The following CMTR2 variants were observed in gnomAD, a reference collection of about 807,000 sequenced individuals.
CMTR2 encodes cap-specific mRNA (nucleoside-2'-O-)-methyltransferase 2.
CMTR2 carries 40 observed loss-of-function variants against 49.8 expected under a neutral mutation model. The observed-to-expected ratio is 0.80, with a 90% confidence interval of 0.62 to 1.04. CMTR2 has a LOEUF of 1.04. Among genes scored for constraint, CMTR2 ranks in the 50% least tolerant of loss-of-function variants. CMTR2 has a pLI of 0.00. For missense variants in CMTR2, 907 were observed against 897.2 expected (o/e 1.01, Z -0.14); for synonymous variants, 326 against 315.8 (o/e 1.03, Z -0.34).
intron 2 of CMTR2, chr16:71,288,375 C>T (rs1304099583): frequency 6.6e-6 from 1 of 152,178 alleles, no homozygotes; most frequent in Non-Finnish European, 1.5e-5. Context: ...TCATGTACTT[C>T]CAACCTATAA....
Position 71,284,478 on chromosome 16 carries a change from A to G in CMTR2, c.1443T>C (p.Ile481=). The G allele has an allele frequency of 6.2e-7, 1 of 1,614,048 alleles. No individual in the cohort carries two copies. ...HGVYHPGQSS[I]LEGTASNLEC... is the part of the protein sequence containing the mutation. The stretch of plus-strand genomic sequence containing the variant: ...CAAGATTGGAAGCTGTTCCTTCTAA[A>G]ATAGAACTCTGCCCAGGATGATATA... Residue 481 remains isoleucine (I), a synonymous_variant, in exon 3 of 3, where the codon ATT becomes ATC. Coordinates refer to ENST00000434935, the MANE Select transcript of CMTR2 (RefSeq NM_018348.6).
chr16:71,289,216 T>C lies in CMTR2; in HGVS notation c.-160A>G, dbSNP rs1301632983. On this transcript the variant is annotated 5_prime_UTR_variant, in exon 1 of 3. Transcript: ENST00000434935. ...CGAGGAAGCCATTCTGCACTTCCGC[T>C]CTCGGGGCTGCTTCCCGGGATGGTC... 1 of 152,294 alleles carries C rather than the reference T, an allele frequency of 6.6e-6. No homozygotes were observed. Among genetic ancestry groups the C allele is most frequent in the Admixed American group, 6.5e-5 (1 of 15,292 alleles). 9.4% of individuals were successfully genotyped at this position (152,294 alleles called of 1,614,324 possible).
Position 71,285,588 on chromosome 16 carries a change from A to G in CMTR2, c.333T>C (p.Cys111=). ...HVRKSVNAEL[C]TQAWCKFHEI... ...CATGGAACTTACACCATGCTTGAGTACAAAGTTCAGCATTCACAGATTTTC... is the reference window on the plus strand; with the variant it reads ...CATGGAACTTACACCATGCTTGAGTGCAAAGTTCAGCATTCACAGATTTTC... The change falls in exon 3 of 3, where the codon TGT becomes TGC. Residue 111 remains cysteine, a synonymous_variant. Coordinates refer to ENST00000434935, the MANE Select transcript of CMTR2 (RefSeq NM_018348.6). 6.2e-7 allele frequency: 1 copy of G among 1,614,152 alleles called. No homozygotes were observed. Among genetic ancestry groups the G allele is most frequent in the East Asian group, 2.2e-5 (1 of 44,890 alleles).
chr16:71,285,798 A>T lies in CMTR2; in HGVS notation c.123T>A (p.Asn41Lys). Residue 41 changes from asparagine (N) to lysine (K), a missense_variant, in exon 3 of 3, where the codon AAT (asparagine) becomes AAA (lysine). Transcript: ENST00000434935. Reference sequence around the variant, plus strand: ...TGGGATCTGGTAACTGCCACTCATTATTAAGTGGCTTGCCATAAGAAAAGT... The same window carrying T: ...TGGGATCTGGTAACTGCCACTCATTTTTAAGTGGCTTGCCATAAGAAAAGT... Reference protein sequence around the residue: ...AKNFSYGKPLNNEWQLPDPSE... With the variant: ...AKNFSYGKPLKNEWQLPDPSE... The T allele has an allele frequency of 6.2e-7, 1 of 1,614,122 alleles. No homozygotes were observed.
rs1270280627 is a variant in CMTR2, at chr16:71,289,401, T to G, written c.-345A>C. The G allele has an allele frequency of 4.6e-5, 7 of 152,298 alleles. No individual in the cohort carries two copies. Among genetic ancestry groups the G allele is most frequent in the Non-Finnish European group, 7.3e-5 (5 of 68,042 alleles). The allele number at this position is 152,298 out of a possible 1,614,324, so 9.4% of individuals were successfully genotyped here. A position where few individuals can be genotyped will look rare whatever the true frequency, so the allele number is the denominator to read the frequency against. The stretch of plus-strand genomic sequence containing the variant: ...CCGGCAGACAGGGACCAGGAGGCAC[T>G]CAAGTCCCACTGCGCACGCGCCCTG... On this transcript the variant is annotated 5_prime_UTR_variant, in exon 1 of 3. Transcript: ENST00000434935.
chr16:71,284,242 C>A lies in CMTR2; in HGVS notation c.1679G>T (p.Cys560Phe), dbSNP rs764950988. The A allele has an allele frequency of 1.9e-6, 3 of 1,614,026 alleles. No individual in the cohort carries two copies. Residue 560 changes from cysteine to phenylalanine, a missense_variant, in exon 3 of 3, where the codon TGT (cysteine) becomes TTT (phenylalanine). Coordinates refer to ENST00000434935, the MANE Select transcript of CMTR2 (RefSeq NM_018348.6). The part of the protein sequence containing the change: ...FSEELIFSEL[C>F]SLTECLQDEQ... Reference sequence around the variant, plus strand: ...ATCCTGAAGGCACTCAGTAAGGCTACACAACTCGGAAAATATCAGTTCTTC... The same window carrying A: ...ATCCTGAAGGCACTCAGTAAGGCTAAACAACTCGGAAAATATCAGTTCTTC...
At position 71,283,820 on chromosome 16, in the gene CMTR2, A is replaced by G. The variant is rs769746395; in HGVS notation, c.2101T>C (p.Tyr701His). The change falls in exon 3 of 3, where the codon TAT becomes CAT. Residue 701 changes from tyrosine (Y) to histidine (H), a missense_variant. Coordinates refer to ENST00000434935, the MANE Select transcript of CMTR2 (RefSeq NM_018348.6). ...YQDLPNPVFR[Y>H]LQSVNELLST... is the part of the protein sequence containing the mutation. ...AACAATTCATTCACACTCTGCAAAT[A>G]TCGGAAAACTGGATTTGGAAGGTCC... 63 of 1,613,820 alleles carry G rather than the reference A, an allele frequency of 3.9e-5. No homozygotes were observed. The East Asian group carries it at 1.3e-3, about 34-fold the overall frequency.
Position 71,285,636 on chromosome 16 carries a change from C to A in CMTR2, c.285G>T (p.Ala95=). 1.2e-6 allele frequency: 2 copies of A among 1,613,772 alleles called. No homozygotes were observed. Among genetic ancestry groups the A allele is most frequent in the South Asian group, 1.1e-5 (1 of 91,046 alleles). The stretch of plus-strand genomic sequence containing the variant: ...TTCTAACATGAGAAATGATTTTCCC[C>A]GCTTTATTAGTGAAAGCAGTGTGCT... ...WHEHTAFTNK[A]GKIISHVRKS... is the part of the protein sequence containing the mutation. The change falls in exon 3 of 3, where the codon GCG becomes GCT. Residue 95 remains alanine (A), a synonymous_variant. Transcript: ENST00000434935.
chr16:71,289,663 AG>A (rs1259857977), upstream of CMTR2: 2 of 11,754 alleles, frequency 1.7e-4, no homozygotes, highest in East Asian at 4.9e-3. Flanking sequence ...GGGGAGGGGG[AG>A]GGAGGGAAGG....
upstream of CMTR2, chr16:71,289,667 A>AGGGGGGGGGGGGGGGGGGGGGG (rs1395441797): frequency 9.6e-5 from 2 of 20,910 alleles, no homozygotes; most frequent in African/African-American, 1.9e-4. Flanking sequence ...AGGGGGAGGG[A>AGGGGGGGGGGGGGGGGGGGGGG]GGGAAGGGAC....
chr16:71,282,669 T>C lies in CMTR2; in HGVS notation c.*939A>G, dbSNP rs559678113. 2.0e-5 allele frequency: 3 copies of C among 152,278 alleles called. No homozygotes were observed. The highest frequency in any genetic ancestry group is 2.1e-4 in the South Asian group (1 of 4,822). The allele number at this position is 152,278 out of a possible 1,614,324, so 9.4% of individuals were successfully genotyped here. A position where few individuals can be genotyped will look rare whatever the true frequency, so the allele number is the denominator to read the frequency against. On this transcript the variant is annotated 3_prime_UTR_variant, in exon 3 of 3. Transcript: ENST00000434935. Reference sequence around the variant, plus strand: ...CTGAAAAAAAGAAATTAGAAAAGATTAAAAATTTTAAATTCTGAACCATCA... The same window carrying C: ...CTGAAAAAAAGAAATTAGAAAAGATCAAAAATTTTAAATTCTGAACCATCA...
rs571753655 is a variant in CMTR2, at chr16:71,282,209, C to G, written c.*1399G>C. On this transcript the variant is annotated 3_prime_UTR_variant, in exon 3 of 3. Transcript: ENST00000434935. ...ATCAGAGAAAATGAAAGAACATTAA[C>G]TATCATTCAAAACTCCCTTTAAAAA... 6.6e-6 allele frequency: 1 copy of G among 151,984 alleles called. No individual in the cohort carries two copies. Among genetic ancestry groups the G allele is most frequent in the Non-Finnish European group, 1.5e-5 (1 of 67,908 alleles). The allele number at this position is 151,984 out of a possible 1,614,324, so 9.4% of individuals were successfully genotyped here.
At chr16:71,289,616 G>A (rs1450406991), upstream of CMTR2, 1 of 150,524 alleles carries the variant, frequency 6.6e-6, no homozygotes, top group African/African-American at 2.4e-5. Context: ...GTCCCGAAGA[G>A]GGGTGAAAGG....
At chr16:71,289,623 A>C (rs938280019), upstream of CMTR2, 1 of 128,030 alleles carries the variant, frequency 7.8e-6, no homozygotes, top group African/African-American at 2.8e-5. Context: ...AGAGGGGTGA[A>C]AGGGAGAGGG....
In CMTR2 at chr16:71,288,864, T is replaced by C. The variant is rs2041778473; in HGVS notation, c.-20+14A>G. 6.6e-6 allele frequency: 1 copy of C among 152,174 alleles called. No homozygotes were observed. Among genetic ancestry groups the C allele is most frequent in the Non-Finnish European group, 1.5e-5 (1 of 68,062 alleles). The allele number at this position is 152,174 out of a possible 1,614,324, so 9.4% of individuals were successfully genotyped here. ...CCAAAACAAAACCCACAAGATCTCA[T>C]CAACAGTTTTTACCTCACAGCTGAC... On this transcript the variant is annotated intron_variant, in intron 2 of 2. Coordinates refer to ENST00000434935, the MANE Select transcript of CMTR2 (RefSeq NM_018348.6).
rs962756005 is a variant in CMTR2 at position 71,283,809 on chromosome 16, ACT to A, written c.2110_2111del (p.Ser704CysfsTer3). The part of the protein sequence containing the change: ...LPNPVFRYLQ[S>X]VNELLSTLLN... ...GCAAAGTGCTCAACAATTCATTCAC[ACT>A]CTGCAAATATCGGAAAACTGGATTT... On this transcript the variant is annotated frameshift_variant, in exon 3 of 3. Transcript: ENST00000434935. LOFTEE classifies it high-confidence loss of function. The A allele has an allele frequency of 6.2e-7, 1 of 1,613,866 alleles. No homozygotes were observed. Among genetic ancestry groups the A allele is most frequent in the African/African-American group, 1.3e-5 (1 of 74,926 alleles).
Position 71,282,564 on chromosome 16 carries a change from T to G in CMTR2, c.*1044A>C, listed in dbSNP as rs1246998199. 2.6e-5 allele frequency: 4 copies of G among 152,130 alleles called. No individual in the cohort carries two copies. Among genetic ancestry groups the G allele is most frequent in the African/African-American group, 9.6e-5 (4 of 41,454 alleles). The allele number at this position is 152,130 out of a possible 1,614,324, so 9.4% of individuals were successfully genotyped here. On this transcript the variant is annotated 3_prime_UTR_variant, in exon 3 of 3. Transcript: ENST00000434935. Reference sequence around the variant, plus strand: ...GAAGAAATAAAATAACTCATTACATTGCAGATACAAAAGAAATCAAATGTA... The same window carrying G: ...GAAGAAATAAAATAACTCATTACATGGCAGATACAAAAGAAATCAAATGTA...
In CMTR2 at chr16:71,284,082, T is replaced by C; in HGVS notation, c.1839A>G (p.Ser613=). The change falls in exon 3 of 3, where the codon TCA becomes TCG. Residue 613 remains serine, a synonymous_variant. Transcript: ENST00000434935. The part of the protein sequence containing the change: ...ESAELTTFSC[S]LLHDGDPTYQ... The stretch of plus-strand genomic sequence containing the variant: ...AAGTTGGATCTCCATCATGAAGCAA[T>C]GAACAGCTAAAAGTTGTGAGTTCAG... The C allele has an allele frequency of 4.3e-6, 7 of 1,614,056 alleles. No individual in the cohort carries two copies. The highest frequency in any genetic ancestry group is 5.9e-6 in the Non-Finnish European group (7 of 1,179,962).
Position 71,285,502 on chromosome 16 carries a change from G to T in CMTR2, c.419C>A (p.Ser140Tyr). The T allele has an allele frequency of 6.2e-7, 1 of 1,614,026 alleles. No homozygotes were observed. The highest frequency in any genetic ancestry group is 1.1e-5 in the South Asian group (1 of 91,080). ...QEAFQNGKLN[S>Y]LHLCEAPGAF... ...TCCTGGAGCTTCACAAAGGTGTAGA[G>T]AATTCAGTTTTCCATTCTGAAAAGC... The change falls in exon 3 of 3, where the codon TCT becomes TAT. Residue 140 changes from serine (S) to tyrosine (Y), a missense_variant. Ser to Tyr is a moderately radical substitution (Grantham distance 144, BLOSUM62 -2). Transcript: ENST00000434935.
Sources: gnomAD v4.1 joint callset for allele counts on GRCh38, gnomAD v4.1.1 for gene constraint, MANE v1.5 for transcripts, NCBI Gene and HGNC (gene_info 2026-07-23, HGNC 2026-07-21) for gene names.